The following SAMMSON variants were observed in gnomAD, a reference collection of about 807,000 sequenced individuals.
The protein encoded by SAMMSON is survival associated mitochondrial melanoma specific oncogenic non-coding RNA.
chr3:70,135,434 T>C (rs976340249), intron 4 of SAMMSON, among the ~76,000 whole-genome samples: 2 of 152,148 alleles, frequency 1.3e-5, no homozygotes, highest in Non-Finnish European at 2.9e-5. Context: ...TTTACCCTTT[T>C]TGGGTTTGTA....
chr3:70,383,580 C>T (rs1488092760), intron 9 of SAMMSON, among the ~76,000 whole-genome samples: 4 of 152,008 alleles, frequency 2.6e-5, no homozygotes, highest in African/African-American at 4.8e-5. Flanking sequence ...ATTCTTACCA[C>T]TCAGAAATTC....
chr3:70,036,721 G>A (rs1484323402), intron 3 of SAMMSON, among the ~76,000 whole-genome samples: 2 of 152,002 alleles, frequency 1.3e-5, no homozygotes, highest in African/African-American at 4.8e-5. Context: ...CAAAGATAGG[G>A]TGAATTGCAT....
At chr3:70,289,631 C>T (rs1202862302) in intron 6 of SAMMSON, among the ~76,000 whole-genome samples, 1 of 151,226 alleles carries the variant, frequency 6.6e-6, no homozygotes, top group African/African-American at 2.4e-5. Flanking sequence ...GGGAAATTCT[C>T]CTGGATAATA....
intron 4 of SAMMSON, among the ~76,000 whole-genome samples, chr3:70,078,925 C>T (rs2067258367): frequency 6.6e-6 from 1 of 152,130 alleles, no homozygotes; most frequent in Non-Finnish European, 1.5e-5. Context: ...CAGATGTTGG[C>T]AAAATACAAT....
intron 4 of SAMMSON, among the ~76,000 whole-genome samples, chr3:70,181,065 T>G (rs147995575): frequency 1.3e-5 from 2 of 152,254 alleles, no homozygotes; most frequent in Non-Finnish European, 2.9e-5. Context: ...GAATTTATCA[T>G]GGGAACAGTG....
At chr3:70,287,962 A>T (rs1292452950) in intron 6 of SAMMSON, among the ~76,000 whole-genome samples, 6 of 151,850 alleles carry the variant, frequency 4.0e-5, no homozygotes, top group Non-Finnish European at 5.9e-5. Flanking sequence ...TTTCTTTATT[A>T]GTCTTGCTAG....
rs1193370384 is a variant in SAMMSON at position 70,088,149 on chromosome 3, C to T, written n.507+16584C>T. ...AGGGTCTCCAAATGCTCTAGGGTTA[C>T]AGTATAGAGTTCATGCAACCTTAGG... is the stretch of plus-strand genomic sequence containing the variant. On this transcript the variant is annotated intron_variant and non_coding_transcript_variant, in intron 4 of 9. Coordinates refer to ENST00000642114, the Ensembl canonical transcript of SAMMSON. Among the ~76,000 whole-genome samples, 4 of 152,274 alleles carry T rather than the reference C, an allele frequency of 2.6e-5. No individual in the cohort carries two copies. The East Asian group carries it at 5.8e-4, about 22-fold the overall frequency.
intron 6 of SAMMSON, chr3:70,283,593 G>A (rs1702110733): frequency 6.6e-6 from 1 of 152,030 alleles, no homozygotes; most frequent in Admixed American, 6.6e-5. Flanking sequence ...GAGCTTGGTT[G>A]TGTCCACCAC....
downstream of SAMMSON, among the ~76,000 whole-genome samples, chr3:70,392,679 C>T (rs1289057316): frequency 1.3e-5 from 2 of 151,990 alleles, no homozygotes; most frequent in African/African-American, 2.4e-5. Flanking sequence ...ATCGACTTTG[C>T]GACCCCGACT....
At chr3:70,022,313 A>G (rs1246913113) in intron 3 of SAMMSON, among the ~76,000 whole-genome samples, 2 of 150,464 alleles carry the variant, frequency 1.3e-5, no homozygotes, top group African/African-American at 4.9e-5. Flanking sequence ...TAGGAGATAT[A>G]CCTAATGCTA....
At chr3:70,106,022 G>C (rs1026209998) in intron 4 of SAMMSON, among the ~76,000 whole-genome samples, 1 of 152,160 alleles carries the variant, frequency 6.6e-6, no homozygotes, top group African/African-American at 2.4e-5. Context: ...CTGCTTTCTG[G>C]AAGTCTGAGG....
intron 7 of SAMMSON, among the ~76,000 whole-genome samples, chr3:70,339,144 A>T (rs919662685): frequency 1.3e-5 from 2 of 152,206 alleles, no homozygotes; most frequent in Non-Finnish European, 2.9e-5. Context: ...AAAAACAAGC[A>T]ATGGGGAAAG....
intron 6 of SAMMSON, among the ~76,000 whole-genome samples, chr3:70,287,780 G>T (rs1190464902): frequency 6.6e-6 from 1 of 151,082 alleles, no homozygotes; most frequent in African/African-American, 2.4e-5. Flanking sequence ...TCCTGGTTTA[G>T]TCTTGGGAGA....
At chr3:70,307,608 T>C (rs1340225185) in intron 7 of SAMMSON, among the ~76,000 whole-genome samples, 1 of 152,306 alleles carries the variant, frequency 6.6e-6, no homozygotes. Flanking sequence ...AGGTCATATT[T>C]TTCTCGCTTC....
chr3:70,071,672 C>T (rs1341703323), intron 4 of SAMMSON: 1 of 152,034 alleles, frequency 6.6e-6, no homozygotes, highest in African/African-American at 2.4e-5. Flanking sequence ...AGTTAGATTG[C>T]ATCCATTGTT....
intron 6 of SAMMSON, among the ~76,000 whole-genome samples, chr3:70,278,216 C>A (rs1702046862): frequency 6.6e-6 from 1 of 152,024 alleles, no homozygotes; most frequent in Non-Finnish European, 1.5e-5. Flanking sequence ...CTTTATTTGT[C>A]CAACGTTTTG....
At chr3:70,356,918 T>C (rs1702834168) in intron 8 of SAMMSON, among the ~76,000 whole-genome samples, 1 of 152,184 alleles carries the variant, frequency 6.6e-6, no homozygotes, top group Non-Finnish European at 1.5e-5. Context: ...TAAGTACTTT[T>C]AATCTTCATA....
At chr3:70,130,984 A>C (rs1161472988) in intron 4 of SAMMSON, among the ~76,000 whole-genome samples, 1 of 152,222 alleles carries the variant, frequency 6.6e-6, no homozygotes, top group African/African-American at 2.4e-5. Context: ...CAACTATATT[A>C]AATGAAACTC....
At position 70,341,851 on chromosome 3, in the gene SAMMSON, T is replaced by G. The variant is rs149579382; in HGVS notation, n.740-12324T>G. Among the ~76,000 whole-genome samples the G allele has an allele frequency of 3.0e-3, 459 of 152,278 alleles. 7 individuals carry two copies. Among genetic ancestry groups the G allele is most frequent in the African/African-American group, 0.01 (430 of 41,568 alleles). Reference sequence around the variant, plus strand: ...ATAGGCACTCCAATAAAAAAAAACTTTAAAAATATTGTTTATTGATATTGG... The same window carrying G: ...ATAGGCACTCCAATAAAAAAAAACTGTAAAAATATTGTTTATTGATATTGG... On this transcript the variant is annotated intron_variant and non_coding_transcript_variant, in intron 7 of 9. Coordinates refer to ENST00000642114, the Ensembl canonical transcript of SAMMSON.
Sources: gnomAD v4.1 joint callset for allele counts (sites outside exome capture counted in the v4.1 genomes callset) on GRCh38, gnomAD v4.1.1 for gene constraint, MANE v1.5 for transcripts, NCBI Gene and HGNC (gene_info 2026-07-23, HGNC 2026-07-21) for gene names.